The following WDR27 variants were observed in gnomAD, a reference collection of about 807,000 sequenced individuals.
WDR27 encodes WD repeat-containing protein 27.
WDR27 carries 100 observed loss-of-function variants against 114.4 expected under a neutral mutation model. The ratio of observed to expected loss-of-function variants is 0.87; its 90% CI spans 0.74 to 1.03. The LOEUF is 1.03. Among genes scored for constraint, WDR27 ranks in the 50% least tolerant of loss-of-function variants. The pLI is 0.00. For synonymous variants in WDR27, 449 were observed against 423.1 expected (o/e 1.06, Z -0.75); for missense variants, 1,129 against 1,092.9 (o/e 1.03, Z -0.47).
intron 25 of WDR27, among the ~76,000 whole-genome samples, chr6:169,529,448 A>G (rs983969527): frequency 2.0e-5 from 3 of 152,200 alleles, no homozygotes; most frequent in African/African-American, 4.8e-5. Flanking sequence ...TTTAGAAATA[A>G]TATTTCTGAA....
At chr6:169,543,319 A>G (rs376103126) in intron 25 of WDR27, among the ~76,000 whole-genome samples, 1 of 152,126 alleles carries the variant, frequency 6.6e-6, no homozygotes, top group African/African-American at 2.4e-5. Context: ...AAGTGAGTAC[A>G]AGGAACTATT....
downstream of WDR27, among the ~76,000 whole-genome samples, chr6:169,456,010 T>C (rs1784333093): frequency 6.6e-6 from 1 of 152,166 alleles, no homozygotes. The surrounding 1 kb of genome is among the most constrained non-coding windows in gnomAD (Gnocchi z 4.0). Context: ...CATAGCAATA[T>C]GTGTCAGAAA....
Position 169,688,939 on chromosome 6 carries a change from A to AT in WDR27, c.66dup (p.Tyr23IlefsTer4), listed in dbSNP as rs1783759528. On this transcript the variant is annotated frameshift_variant, in exon 2 of 26. Transcript: ENST00000448612. LOFTEE classifies it high-confidence loss of function. The stretch of plus-strand genomic sequence containing the variant: ...ACAGACTCCTTGGATTCAACCAGGT[A>AT]TTTTTCTATAACTATATCACTTAGA... 6.2e-7 allele frequency: 1 copy of AT among 1,613,794 alleles called. No individual in the cohort carries two copies. The highest frequency in any genetic ancestry group is 8.5e-7 in the Non-Finnish European group (1 of 1,179,870).
chr6:169,670,049 C>T (rs1300829310), intron 4 of WDR27: 4 of 152,496 alleles, frequency 2.6e-5, no homozygotes, highest in Non-Finnish European at 4.4e-5. Context: ...AAAAGTCCTC[C>T]TTCGTGTTCC....
chr6:169,578,723 C>G (rs771311988), intron 24 of WDR27, among the ~76,000 whole-genome samples: 2 of 152,194 alleles, frequency 1.3e-5, no homozygotes. Flanking sequence ...GACCCTCAAA[C>G]AGCTCCTCGC....
intron 14 of WDR27, among the ~76,000 whole-genome samples, chr6:169,649,489 T>C (rs886081160): frequency 6.6e-6 from 1 of 151,994 alleles, no homozygotes; most frequent in African/African-American, 2.4e-5. Flanking sequence ...TGCTACACAT[T>C]GTCCTGTGAC....
chr6:169,660,771 T>G lies in WDR27; in HGVS notation c.1026-5A>C. ...CGGGTGTTCTCAGAAGAAAGACTGA[T>G]TTAAGGAAAAAAAGAAAAGAATACA... is the stretch of plus-strand genomic sequence containing the variant. On this transcript the variant is annotated splice_region_variant and splice_polypyrimidine_tract_variant and intron_variant, in intron 9 of 25. Transcript: ENST00000448612. 6.2e-7 allele frequency: 1 copy of G among 1,612,062 alleles called. No individual in the cohort carries two copies. The highest frequency in any genetic ancestry group is 2.2e-5 in the East Asian group (1 of 44,884).
intron 25 of WDR27, among the ~76,000 whole-genome samples, chr6:169,537,232 T>C (rs900175937): frequency 6.6e-6 from 1 of 152,158 alleles, no homozygotes; most frequent in Non-Finnish European, 1.5e-5. Context: ...TCTTCTTACG[T>C]AGCTTATGCT....
chr6:169,558,109 T>C (rs528603395), intron 25 of WDR27, among the ~76,000 whole-genome samples: 2 of 152,094 alleles, frequency 1.3e-5, no homozygotes, highest in African/African-American at 4.8e-5. Context: ...TCATCAGAAA[T>C]TGGTCTAAGT....
At chr6:169,647,559 C>T (rs1584879653) in intron 16 of WDR27, 3 of 628,794 alleles carry the variant, frequency 4.8e-6, no homozygotes, top group East Asian at 2.8e-5. Context: ...TGTGCCCACG[C>T]AGGGGTGAGA....
chr6:169,651,900 T>G (rs1822681977), intron 14 of WDR27, 30 bp downstream of exon 14: 1 of 1,601,044 alleles, frequency 6.2e-7, no homozygotes, highest in African/African-American at 1.3e-5. Context: ...CAGGTGCATT[T>G]CTGTCTCTCA....
intron 25 of WDR27, among the ~76,000 whole-genome samples, chr6:169,511,806 T>C (rs2115533512): frequency 6.6e-6 from 1 of 152,326 alleles, no homozygotes; most frequent in Non-Finnish European, 1.5e-5. Flanking sequence ...GGTTTTATCA[T>C]TCATAAAAAA....
intron 17 of WDR27, among the ~76,000 whole-genome samples, chr6:169,641,132 C>CAGCTT (rs1329894115): frequency 1.3e-5 from 2 of 152,250 alleles, no homozygotes; most frequent in African/African-American, 4.8e-5. Context: ...CCCGACAAGT[C>CAGCTT]AGCTTGGTCC....
At chr6:169,617,505 G>A (rs1812140585) in intron 21 of WDR27, among the ~76,000 whole-genome samples, 1 of 152,038 alleles carries the variant, frequency 6.6e-6, no homozygotes, top group African/African-American at 2.4e-5. Flanking sequence ...CCTCCCAAGT[G>A]GTTAGGATTA....
intron 25 of WDR27, among the ~76,000 whole-genome samples, chr6:169,533,403 T>A (rs1193941364): frequency 6.6e-6 from 1 of 152,156 alleles, no homozygotes; most frequent in African/African-American, 2.4e-5. Context: ...GAAACTTTTT[T>A]GCATGGAAAT....
At chr6:169,667,305 G>A in intron 5 of WDR27, 118 bp from the exon 6 acceptor site, 7 of 1,253,054 alleles carry the variant, frequency 5.6e-6, no homozygotes, top group Non-Finnish European at 7.0e-6. Context: ...ATCTAAAACA[G>A]AAAACAATAA....
At chr6:169,439,040 A>G in the WDR27 span, among the ~76,000 whole-genome samples, 1 of 152,170 alleles carries the variant, frequency 6.6e-6, no homozygotes. Flanking sequence ...CCAAAATCAA[A>G]TTCTAATTTA....
intron 25 of WDR27, among the ~76,000 whole-genome samples, chr6:169,571,548 C>T (rs1459525723): frequency 1.3e-5 from 2 of 152,258 alleles, no homozygotes; most frequent in Admixed American, 1.3e-4. Context: ...CTGCATTGGG[C>T]CACGTGCGGC....
At chr6:169,622,277 ACCTCGGGCAAATGTCGTCAGGACCTC>A (rs1457067119) in intron 21 of WDR27, among the ~76,000 whole-genome samples, 1 of 152,100 alleles carries the variant, frequency 6.6e-6, no homozygotes, top group Non-Finnish European at 1.5e-5. Context: ...TGTTCTGACC[ACCTCGGGCAAATGTCGTCAGGACCTC>A]CTGAGGCTGT....
Sources: allele counts gnomAD v4.1 joint callset (sites outside exome capture counted in the v4.1 genomes callset), GRCh38; gene constraint gnomAD v4.1.1; non-coding constraint Gnocchi (gnomAD v3.1); transcripts MANE v1.5; gene names NCBI Gene and HGNC (gene_info 2026-07-23, HGNC 2026-07-21).